CORO6: variants seen among roughly 807,000 people sequenced by gnomAD.
The protein encoded by CORO6 is coronin 6, also known as coronin-6.
CORO6 carries 43 observed loss-of-function variants against 49.0 expected under a neutral mutation model. That is an observed-to-expected ratio of 0.88 (90% CI 0.69 to 1.13). CORO6 has a LOEUF of 1.13. CORO6 is among the 50% of genes most tolerant of loss of function. The probability of loss-of-function intolerance (pLI) is 0.00; values close to 1 mark genes in which losing one functional copy is unlikely to be tolerated. For missense variants in CORO6, 650 were observed against 647.0 expected, an observed-to-expected ratio of 1.00 and a Z score of -0.05; for synonymous variants, 233 against 256.5, an observed-to-expected ratio of 0.91 and a Z score of 0.88.
intron 6 of CORO6, chr17:29,617,243 C>T: frequency 6.5e-7 from 1 of 1,535,604 alleles, no homozygotes; most frequent in Non-Finnish European, 8.7e-7. Context: ...CACATATACC[C>T]GCTGCGCGCC....
intron 5 of CORO6, chr17:29,618,457 G>A: frequency 7.8e-7 from 1 of 1,276,612 alleles, no homozygotes; most frequent in Non-Finnish European, 9.9e-7. Context: ...TGAGAGGAGA[G>A]GGGTCCAGGA....
At chr17:29,618,647 A>AC in intron 5 of CORO6, 143 bp downstream of exon 5, 1 of 1,434,070 alleles carries the variant, frequency 7.0e-7, no homozygotes, top group South Asian at 1.5e-5. Context: ...GGTTGCAGAG[A>AC]CGGGGGAAGG....
chr17:29,622,234 T>C (rs1035564221), intron 1 of CORO6: 2 of 153,542 alleles, frequency 1.3e-5, no homozygotes, highest in African/African-American at 4.8e-5. Context: ...TAGTGAACTC[T>C]TCTAGGGGTG....
intron 5 of CORO6, chr17:29,617,940 G>A (rs1377413952): frequency 3.1e-6 from 3 of 963,986 alleles, no homozygotes; most frequent in East Asian, 3.2e-5. Context: ...CCGAATGGGA[G>A]CTCCCCGCTC....
intron 5 of CORO6, chr17:29,618,176 C>G (rs980099287): frequency 2.4e-5 from 33 of 1,365,286 alleles, no homozygotes; most frequent in African/African-American, 4.6e-5. Context: ...TCCTGCTCGC[C>G]GGGTTAGTGG....
Position 29,616,616 on chromosome 17 carries a change from A to G in CORO6, c.1004+86T>C. On this transcript the variant is annotated intron_variant, in intron 8 of 10. Coordinates refer to ENST00000388767, the MANE Select transcript of CORO6 (RefSeq NM_032854.4). This position sits in a 1 kb window ranked among gnomAD's most constrained non-coding sequence, Gnocchi z 5.6. ...CCGCCCCGCTTTTCCAAAGCACTGC[A>G]TTACTGGGGAAGCCCCGTGGCTAGG... 1 of 1,545,708 alleles carries G rather than the reference A, an allele frequency of 6.5e-7. No individual in the cohort carries two copies. Among genetic ancestry groups the G allele is most frequent in the Non-Finnish European group, 8.8e-7 (1 of 1,131,480 alleles).
chr17:29,615,859 TG>T lies in CORO6; in HGVS notation c.1294-3del. On this transcript the variant is annotated splice_region_variant and splice_polypyrimidine_tract_variant and intron_variant, in intron 10 of 10. Transcript: ENST00000388767. ...CAGCGTCTCCAGGGTGTGCTGCTGCTGGGGCGGAGGACAGAGAGGCCGTGTC... is the reference window on the plus strand; with the variant it reads ...CAGCGTCTCCAGGGTGTGCTGCTGCTGGGCGGAGGACAGAGAGGCCGTGTC... The T allele has an allele frequency of 6.3e-7, 1 of 1,592,626 alleles. No homozygotes were observed. Among genetic ancestry groups the T allele is most frequent in the Non-Finnish European group, 8.5e-7 (1 of 1,172,036 alleles).
At position 29,619,810 on chromosome 17, in the gene CORO6, CTG is replaced by C. The variant is rs781042452; in HGVS notation, c.199-39_199-38del. 3 of 1,589,792 alleles carry C rather than the reference CTG, an allele frequency of 1.9e-6. No individual in the cohort carries two copies. In the South Asian group the frequency reaches 3.3e-5, roughly 18 times the overall value. ...GAGAAGAAGATGTGGGGCTACTCTC[CTG>C]TGTGTTTTTTGGGGAGTGGGTAGCA... is the stretch of plus-strand genomic sequence containing the variant. On this transcript the variant is annotated intron_variant, in intron 2 of 10. Coordinates refer to ENST00000388767, the MANE Select transcript of CORO6 (RefSeq NM_032854.4).
chr17:29,617,741 G>C, intron 5 of CORO6, 122 bp from the exon 6 acceptor site: 2 of 1,069,588 alleles, frequency 1.9e-6, no homozygotes, highest in Non-Finnish European at 2.6e-6. Context: ...GCGGGGAAGA[G>C]ACAAATGGGG....
chr17:29,618,069 C>T, intron 5 of CORO6: 1 of 1,500,640 alleles, frequency 6.7e-7, no homozygotes, highest in Non-Finnish European at 8.8e-7. Flanking sequence ...GCGCGAGTTG[C>T]CGCTCACTCA....
At chr17:29,617,273 C>T (rs1265364246) in intron 6 of CORO6, 3 of 1,533,750 alleles carry the variant, frequency 2.0e-6, no homozygotes, top group East Asian at 2.4e-5. Context: ...CACAGCAAAC[C>T]ACCCCCAGGG....
Position 29,615,353 on chromosome 17 carries a change from C to T in CORO6, c.*379G>A, listed in dbSNP as rs558961865. On this transcript the variant is annotated 3_prime_UTR_variant, in exon 11 of 11. Coordinates refer to ENST00000388767, the MANE Select transcript of CORO6 (RefSeq NM_032854.4). ...CCTGGGGGTACCCATCAAATCGCCA[C>T]CCGTTTGAGGTCAAGCTCAGGCTCC... The T allele has an allele frequency of 5.0e-4, 92 of 185,166 alleles. No individual in the cohort carries two copies. The highest frequency in any genetic ancestry group is 8.6e-4 in the Non-Finnish European group (77 of 89,712). The allele number at this position is 185,166 out of a possible 1,614,324, so 11.5% of individuals were successfully genotyped here.
rs1355672171 is a variant in CORO6, at chr17:29,616,048, G to A, written c.1190C>T (p.Pro397Leu). ...GACCCGGAGCTCGCGGTGCTTGGGG[G>A]GCACATAGCCGTCCCTCAGCGAAAT... ...VLISLRDGYVPPKHRELRVTK... is the reference protein window; with the variant it reads ...VLISLRDGYVLPKHRELRVTK... The change falls in exon 10 of 11, where the codon CCC becomes CTC. Residue 397 changes from proline (P) to leucine (L), a missense_variant. Pro to Leu is a moderately conservative substitution (Grantham distance 98). Coordinates refer to ENST00000388767, the MANE Select transcript of CORO6 (RefSeq NM_032854.4). The surrounding 1 kb of genome is among the most constrained non-coding windows in gnomAD (Gnocchi z 5.6). 6.2e-7 allele frequency: 1 copy of A among 1,611,940 alleles called. No individual in the cohort carries two copies.
rs753561854 is a variant in CORO6 at position 29,616,375 on chromosome 17, A to G, written c.1005-39T>C. ...GGGTTCAGCACCCTCGCAGACTTCC[A>G]CGTCCTTAACTTCTCCTGTCTAAGA... On this transcript the variant is annotated intron_variant, in intron 8 of 10. Coordinates refer to ENST00000388767, the MANE Select transcript of CORO6 (RefSeq NM_032854.4). The surrounding 1 kb of genome is among the most constrained non-coding windows in gnomAD (Gnocchi z 5.6). The G allele has an allele frequency of 6.4e-7, 1 of 1,567,466 alleles. No individual in the cohort carries two copies. The highest frequency in any genetic ancestry group is 2.3e-5 in the East Asian group (1 of 43,648).
chr17:29,621,268 C>G lies in CORO6; in HGVS notation c.154G>C (p.Glu52Gln). The change falls in exon 2 of 11, where the codon GAG (glutamate) becomes CAG (glutamine). Residue 52 changes from glutamate to glutamine, a missense_variant. Glu to Gln is a conservative substitution (Grantham distance 29). Coordinates refer to ENST00000388767, the MANE Select transcript of CORO6 (RefSeq NM_032854.4). This position sits in a 1 kb window ranked among gnomAD's most constrained non-coding sequence, Gnocchi z 4.2. ...ATGAAGGCACCCCCGCCTCCAGCCTCCACAATAATGGCCAGGAATTTGGGG... is the reference window on the plus strand; with the variant it reads ...ATGAAGGCACCCCCGCCTCCAGCCTGCACAATAATGGCCAGGAATTTGGGG... ...VNPKFLAIIV[E>Q]AGGGGAFIVL... is the part of the protein sequence containing the mutation. 6.2e-7 allele frequency: 1 copy of G among 1,614,198 alleles called. No homozygotes were observed. The highest frequency in any genetic ancestry group is 8.5e-7 in the Non-Finnish European group (1 of 1,180,046).
Position 29,617,048 on chromosome 17 carries a change from C to T in CORO6, c.754-6G>A, listed in dbSNP as rs772910964. ...ACTGGCTCCTCGAAGTTGTTCTGCCCGAGCACAGGAGGCGTGACCAGCCCT... is the reference window on the plus strand; with the variant it reads ...ACTGGCTCCTCGAAGTTGTTCTGCCTGAGCACAGGAGGCGTGACCAGCCCT... On this transcript the variant is annotated splice_region_variant and splice_polypyrimidine_tract_variant and intron_variant, in intron 6 of 10. Transcript: ENST00000388767. The T allele has an allele frequency of 1.2e-5, 19 of 1,613,058 alleles. No homozygotes were observed. The highest frequency in any genetic ancestry group is 5.0e-5 in the Admixed American group (3 of 60,020).
At chr17:29,619,019 CA>C (rs1446195103) in intron 4 of CORO6, 40 bp downstream of exon 4, 1 of 1,611,956 alleles carries the variant, frequency 6.2e-7, no homozygotes, top group South Asian at 1.1e-5. Context: ...CCTTTGCCAC[CA>C]CCCACCCATC....
At position 29,616,751 on chromosome 17, in the gene CORO6, C is replaced by A. The variant is rs746995426; in HGVS notation, c.955G>T (p.Gly319Cys). ...FSSKEPQRGM[G>C]FMPKRGLDVS... Reference sequence around the variant, plus strand: ...TCCAGTCCCCTTTTGGGCATGAAACCCATGCCCCGCTGCGGCTCTTTGCTG... The same window carrying A: ...TCCAGTCCCCTTTTGGGCATGAAACACATGCCCCGCTGCGGCTCTTTGCTG... The change falls in exon 8 of 11, where the codon GGT becomes TGT. Residue 319 changes from glycine (G) to cysteine (C), a missense_variant. Physicochemically the swap from Gly to Cys is radical, Grantham distance 159 (BLOSUM62 -3). Transcript: ENST00000388767. The surrounding 1 kb of genome is among the most constrained non-coding windows in gnomAD (Gnocchi z 5.6). The A allele has an allele frequency of 4.3e-6, 7 of 1,613,894 alleles. 1 individual carries two copies. The South Asian group carries it at 7.7e-5, about 18-fold the overall frequency.
rs1375395969 is a variant in CORO6 at position 29,616,411 on chromosome 17, T to C, written c.1005-75A>G. On this transcript the variant is annotated intron_variant, in intron 8 of 10. Coordinates refer to ENST00000388767, the MANE Select transcript of CORO6 (RefSeq NM_032854.4). This position sits in a 1 kb window ranked among gnomAD's most constrained non-coding sequence, Gnocchi z 5.6. ...TTCTCCTGTCTAAGACCAAGGGGGT[T>C]GGAGGCCAACACTTGCTCAGCGCCT... 11 of 1,436,890 alleles carry C rather than the reference T, an allele frequency of 7.7e-6. No homozygotes were observed. The highest frequency in any genetic ancestry group is 1.0e-5 in the Non-Finnish European group (11 of 1,052,216). The allele number at this position is 1,436,890 out of a possible 1,614,324, so 89.0% of individuals were successfully genotyped here. A position where few individuals can be genotyped will look rare whatever the true frequency, so the allele number is the denominator to read the frequency against.
Sources: allele counts gnomAD v4.1 joint callset, GRCh38; gene constraint gnomAD v4.1.1; non-coding constraint Gnocchi (gnomAD v3.1); transcripts MANE v1.5; gene names NCBI Gene and HGNC (gene_info 2026-07-23, HGNC 2026-07-21).